KCNIP4: variants seen among roughly 807,000 people sequenced by gnomAD.
The protein encoded by KCNIP4 is potassium voltage-gated channel interacting protein 4.
Under a neutral mutation model 34.0 loss-of-function variants are expected in KCNIP4, and 12 were observed. The observed-to-expected ratio is 0.35, with a 90% CI of 0.23 to 0.57. KCNIP4 has a LOEUF of 0.57. Among genes scored for constraint, KCNIP4 ranks in the 20% least tolerant of loss-of-function variants. The probability of loss-of-function intolerance (pLI) is 0.83; values close to 1 mark genes in which losing one functional copy is unlikely to be tolerated. For missense variants in KCNIP4, 238 were observed against 311.7 expected (o/e 0.76, Z 1.78); for synonymous variants, 124 against 102.2 (o/e 1.21, Z -1.29).
At chr4:21,120,647 TGA>T (rs1017568549) in intron 1 of KCNIP4, among the ~76,000 whole-genome samples, 8 of 152,146 alleles carry the variant, frequency 5.3e-5, no homozygotes, top group African/African-American at 1.9e-4. Flanking sequence ...TCAGCTCTCA[TGA>T]GAGTTCACTC....
chr4:20,902,811 T>C lies in KCNIP4; in HGVS notation c.62-20102A>G, dbSNP rs377456917. On this transcript the variant is annotated intron_variant, in intron 1 of 8. Transcript: ENST00000382152. ...CTGGGATTACAAGCGTGAACCACTGTGCCCGGCTAAGCCTAATATCTTAAA... is the reference window on the plus strand; with the variant it reads ...CTGGGATTACAAGCGTGAACCACTGCGCCCGGCTAAGCCTAATATCTTAAA... 6.6e-5 allele frequency among the ~76,000 whole-genome samples: 10 copies of C among 152,288 alleles called. No individual in the cohort carries two copies. The East Asian group carries it at 1.4e-3, about 21-fold the overall frequency.
intron 1 of KCNIP4, among the ~76,000 whole-genome samples, chr4:21,557,567 A>G (rs1366474900): frequency 2.6e-5 from 4 of 152,082 alleles, no homozygotes; most frequent in Non-Finnish European, 5.9e-5. Flanking sequence ...AGCTGGAGAG[A>G]GCAATGCGTC....
intron 1 of KCNIP4, among the ~76,000 whole-genome samples, chr4:21,903,737 T>C (rs4696992): frequency 0.015 from 2,226 of 152,244 alleles, 161 homozygotes; most frequent in Admixed American, 0.11. Context: ...AAAAGAACTA[T>C]TGAATCATAA....
chr4:21,395,906 C>T (rs1374484716), intron 1 of KCNIP4, among the ~76,000 whole-genome samples: 1 of 151,822 alleles, frequency 6.6e-6, no homozygotes, highest in Admixed American at 6.6e-5. Flanking sequence ...TTCTTTGGGT[C>T]TCATCTCATC....
At chr4:21,240,092 G>C (rs1560205788) in intron 1 of KCNIP4, among the ~76,000 whole-genome samples, 1 of 151,618 alleles carries the variant, frequency 6.6e-6, no homozygotes, top group Non-Finnish European at 1.5e-5. Flanking sequence ...GATGAAGCTG[G>C]AAACCATCAT....
intron 1 of KCNIP4, among the ~76,000 whole-genome samples, chr4:21,661,517 A>G (rs1173813030): frequency 6.6e-6 from 1 of 152,152 alleles, no homozygotes; most frequent in Non-Finnish European, 1.5e-5. Flanking sequence ...AGCATGCCAC[A>G]TCCACGTCAC....
chr4:20,770,878 T>C (rs1755810887), intron 3 of KCNIP4, among the ~76,000 whole-genome samples: 1 of 152,084 alleles, frequency 6.6e-6, no homozygotes, highest in Admixed American at 6.6e-5. Context: ...GAGGTTGCAG[T>C]GAGCCGAGAT....
At chr4:20,882,363 A>G (rs1276067107) in intron 2 of KCNIP4, among the ~76,000 whole-genome samples, 1 of 152,128 alleles carries the variant, frequency 6.6e-6, no homozygotes, top group Non-Finnish European at 1.5e-5. Context: ...CTTACATCAA[A>G]CAAAAATGTC....
chr4:21,849,284 C>T (rs1724222008), intron 1 of KCNIP4: 1 of 152,124 alleles, frequency 6.6e-6, no homozygotes, highest in South Asian at 2.1e-4. Context: ...ATCAATTATG[C>T]ACATCTTGAA....
At chr4:21,350,403 A>G (rs1717890485) in intron 1 of KCNIP4, among the ~76,000 whole-genome samples, 1 of 152,202 alleles carries the variant, frequency 6.6e-6, no homozygotes, top group Non-Finnish European at 1.5e-5. Flanking sequence ...ATATACCCCA[A>G]GGAATATGCA....
intron 1 of KCNIP4, among the ~76,000 whole-genome samples, chr4:21,606,304 A>C (rs4106119): frequency 6.6e-6 from 1 of 152,054 alleles, no homozygotes; most frequent in East Asian, 1.9e-4. Flanking sequence ...CCTTTTTAAC[A>C]TATCACTGAG....
At chr4:21,121,800 A>G (rs16867636) in intron 1 of KCNIP4, among the ~76,000 whole-genome samples, 12,191 of 152,218 alleles carry the variant, frequency 0.08, 803 homozygotes, top group African/African-American at 0.17. Flanking sequence ...TGTCATGAAA[A>G]TAAAAGGACC....
intron 1 of KCNIP4, among the ~76,000 whole-genome samples, chr4:21,880,872 T>C (rs1476315225): frequency 6.6e-6 from 1 of 152,178 alleles, no homozygotes; most frequent in African/African-American, 2.4e-5. Flanking sequence ...CCCTATAGTT[T>C]TAACCTCTTA....
intron 1 of KCNIP4, among the ~76,000 whole-genome samples, chr4:21,188,374 T>A (rs1755392755): frequency 6.6e-6 from 1 of 152,076 alleles, no homozygotes; most frequent in Non-Finnish European, 1.5e-5. Context: ...AGGCCACAAG[T>A]CCCAAAGAAG....
At chr4:20,947,816 G>A (rs1043997793) in intron 1 of KCNIP4, among the ~76,000 whole-genome samples, 1 of 152,154 alleles carries the variant, frequency 6.6e-6, no homozygotes, top group Non-Finnish European at 1.5e-5. Flanking sequence ...CTCCTAATCT[G>A]TTATTCCTCA....
chr4:21,695,335 G>A (rs962893941), intron 1 of KCNIP4, among the ~76,000 whole-genome samples: 1 of 152,004 alleles, frequency 6.6e-6, no homozygotes, highest in Non-Finnish European at 1.5e-5. Flanking sequence ...GAAACAGGTT[G>A]CTGCAATCAC....
Position 21,415,428 on chromosome 4 carries a change from T to A in KCNIP4, c.62-532719A>T, listed in dbSNP as rs551652782. Among the ~76,000 whole-genome samples, 5 of 152,034 alleles carry A rather than the reference T, an allele frequency of 3.3e-5. No homozygotes were observed. In the East Asian group the frequency reaches 9.7e-4, roughly 29 times the overall value. On this transcript the variant is annotated intron_variant, in intron 1 of 8. Transcript: ENST00000382152. ...TATTGCACAACTAAATATTGCATAT[T>A]TAAAAAGGTAAGGGACACATTAGGA...
intron 1 of KCNIP4, among the ~76,000 whole-genome samples, chr4:21,192,077 C>A (rs1474741257): frequency 1.3e-5 from 2 of 152,100 alleles, no homozygotes; most frequent in Non-Finnish European, 1.5e-5. Context: ...TTGTTTGAGA[C>A]ACTTACAAGC....
intron 1 of KCNIP4, among the ~76,000 whole-genome samples, chr4:21,445,040 T>C (rs1013918782): frequency 3.9e-5 from 6 of 152,040 alleles, no homozygotes; most frequent in Non-Finnish European, 8.8e-5. Flanking sequence ...TCAAAGAGAA[T>C]AAAATACCTA....
Sources: gnomAD v4.1 joint callset for allele counts (sites outside exome capture counted in the v4.1 genomes callset) on GRCh38, gnomAD v4.1.1 for gene constraint, MANE v1.5 for transcripts, NCBI Gene and HGNC (gene_info 2026-07-23, HGNC 2026-07-21) for gene names.